Variants in PUM2 observed in about 807,000 individuals in gnomAD.
PUM2 encodes the protein pumilio RNA binding family member 2.
PUM2 carries 57 observed loss-of-function variants against 124.5 expected under a neutral mutation model. That is an observed-to-expected ratio of 0.46 (90% CI 0.37 to 0.57). The LOEUF (loss-of-function observed/expected upper bound fraction) is 0.57. PUM2 is among the 20% of genes least tolerant of loss of function. PUM2 has a pLI of 0.00. For missense variants in PUM2, 1,065 were observed against 1,290.6 expected (o/e 0.83, Z 2.68); for synonymous variants, 460 against 446.1 (o/e 1.03, Z -0.39).
At chr2:20,282,318 G>A (rs908515568) in intron 12 of PUM2, among the ~76,000 whole-genome samples, 3 of 152,160 alleles carry the variant, frequency 2.0e-5, no homozygotes, top group African/African-American at 4.8e-5. Context: ...GATTTGTTAA[G>A]TGTTATATAA....
chr2:20,300,815 C>T (rs1384431167), intron 7 of PUM2, among the ~76,000 whole-genome samples: 7 of 150,958 alleles, frequency 4.6e-5, no homozygotes, highest in Non-Finnish European at 1.0e-4. Flanking sequence ...AGCTACGCAT[C>T]TGCCTCACAG....
chr2:20,275,227 C>A (rs908824166), intron 13 of PUM2, among the ~76,000 whole-genome samples: 3 of 151,628 alleles, frequency 2.0e-5, no homozygotes, highest in Non-Finnish European at 4.4e-5. Flanking sequence ...AATTTTAGAA[C>A]CAAAAATAGA....
intron 13 of PUM2, among the ~76,000 whole-genome samples, chr2:20,275,583 G>C (rs779931453): frequency 3.9e-5 from 6 of 152,048 alleles, no homozygotes; most frequent in Non-Finnish European, 8.8e-5. Context: ...GGATCAGGCT[G>C]GTCATCTCAC....
At chr2:20,256,593 A>C (rs1453589888) in intron 16 of PUM2, among the ~76,000 whole-genome samples, 1 of 152,192 alleles carries the variant, frequency 6.6e-6, no homozygotes, top group Non-Finnish European at 1.5e-5. Context: ...CCACCAAAGG[A>C]ATTATTTTTA....
intron 15 of PUM2, 25 bp downstream of exon 15, chr2:20,260,312 T>C (rs936215858): frequency 5.7e-6 from 9 of 1,587,732 alleles, no homozygotes; most frequent in Non-Finnish European, 7.7e-6. Context: ...GATGGGCGGA[T>C]ATACAAATAT....
chr2:20,263,339 G>A lies in PUM2; in HGVS notation c.2079C>T (p.Ser693=), dbSNP rs781094471. The change falls in exon 14 of 21, where the codon TCC becomes TCT. Residue 693 remains serine (S), a synonymous_variant. Coordinates refer to ENST00000361078, the MANE Select transcript of PUM2 (RefSeq NM_015317.5). ...TATCAGACCTATTATACCGAAGCCG[G>A]GAAGGAGGAAAGAGCTGGCTGCTGG... is the stretch of plus-strand genomic sequence containing the variant. ...FSSSSQLFPP[S]RLRYNRSDIM... 6.2e-7 allele frequency: 1 copy of A among 1,614,178 alleles called. No individual in the cohort carries two copies. Among genetic ancestry groups the A allele is most frequent in the Non-Finnish European group, 8.5e-7 (1 of 1,180,028 alleles).
intron 2 of PUM2, among the ~76,000 whole-genome samples, chr2:20,321,429 A>G (rs1682341732): frequency 6.6e-6 from 1 of 152,222 alleles, no homozygotes; most frequent in Non-Finnish European, 1.5e-5. Flanking sequence ...TCGAACATTT[A>G]GAAGTTTTTA....
At chr2:20,347,936 A>G (rs1379867060) in intron 1 of PUM2, among the ~76,000 whole-genome samples, 1 of 152,220 alleles carries the variant, frequency 6.6e-6, no homozygotes, top group African/African-American at 2.4e-5. Flanking sequence ...GGGCTCTGCC[A>G]TATTTCATCA....
At chr2:20,336,811 G>A (rs575474340) in intron 1 of PUM2, among the ~76,000 whole-genome samples, 132 of 134,008 alleles carry the variant, frequency 9.9e-4, no homozygotes, top group African/African-American at 2.7e-3. Context: ...TGGTACAGAC[G>A]GGGTCTCACC....
In PUM2 at chr2:20,308,013, T is replaced by C; in HGVS notation, c.848A>G (p.Gln283Arg). 1 of 1,613,528 alleles carries C rather than the reference T, an allele frequency of 6.2e-7. No individual in the cohort carries two copies. The highest frequency in any genetic ancestry group is 8.5e-7 in the Non-Finnish European group (1 of 1,179,440). Residue 283 changes from glutamine to arginine, a missense_variant, in exon 7 of 21, where the codon CAA becomes CGA. Gln to Arg is a conservative substitution (Grantham distance 43, BLOSUM62 1). Coordinates refer to ENST00000361078, the MANE Select transcript of PUM2 (RefSeq NM_015317.5). ...VQQLTAAQQQ[Q>R]YALAAAQQPH... Reference sequence around the variant, plus strand: ...CTGCTGAGCTGCTGCTAATGCATATTGCTGCTGTTGAGCTGCAGTTAACTG... The same window carrying C: ...CTGCTGAGCTGCTGCTAATGCATATCGCTGCTGTTGAGCTGCAGTTAACTG...
chr2:20,299,478 T>C (rs548170266), intron 7 of PUM2, among the ~76,000 whole-genome samples: 1 of 152,134 alleles, frequency 6.6e-6, no homozygotes, highest in East Asian at 1.9e-4. Flanking sequence ...CGGCCTGGTC[T>C]TGAACACAGT....
At chr2:20,308,274 C>T in intron 6 of PUM2, 40 bp downstream of exon 6, 1 of 1,594,186 alleles carries the variant, frequency 6.3e-7, no homozygotes, top group Non-Finnish European at 8.6e-7. Context: ...AACCAGTATA[C>T]AGTTAAGAGG....
intron 17 of PUM2, 149 bp downstream of exon 17, chr2:20,255,884 G>T: frequency 1.3e-6 from 1 of 780,352 alleles, no homozygotes; most frequent in East Asian, 3.1e-5. Flanking sequence ...CTATGAAAGA[G>T]GAAGAAATTA....
upstream of PUM2, among the ~76,000 whole-genome samples, chr2:20,351,314 C>CT (rs1381044676): frequency 1.3e-5 from 2 of 152,220 alleles, no homozygotes; most frequent in Non-Finnish European, 2.9e-5. Context: ...TAATTCAGGC[C>CT]TTTAACTTTC....
At chr2:20,326,488 T>G in intron 2 of PUM2, 3 of 1,038,890 alleles carry the variant, frequency 2.9e-6, no homozygotes, top group Non-Finnish European at 4.0e-6. Flanking sequence ...ATCTTAGGTC[T>G]GTTCACTGTT....
chr2:20,293,915 T>G (rs1040487915), intron 9 of PUM2, among the ~76,000 whole-genome samples: 40 of 152,126 alleles, frequency 2.6e-4, no homozygotes, highest in African/African-American at 9.4e-4. Context: ...TAAACATCTT[T>G]CTTTTTCCAG....
chr2:20,345,354 C>T (rs531598278), intron 1 of PUM2, among the ~76,000 whole-genome samples: 1 of 152,242 alleles, frequency 6.6e-6, no homozygotes, highest in South Asian at 2.1e-4. Flanking sequence ...AAGTGATCGT[C>T]CCGCCTCAGT....
intron 15 of PUM2, 102 bp from the exon 16 acceptor site, chr2:20,258,473 T>A (rs1024195558): frequency 8.5e-7 from 1 of 1,178,016 alleles, no homozygotes; most frequent in Non-Finnish European, 1.2e-6. Flanking sequence ...TCAGTAACTA[T>A]GTAGGGCAGG....
intron 13 of PUM2, among the ~76,000 whole-genome samples, chr2:20,264,489 T>G (rs1667187800): frequency 1.4e-5 from 2 of 147,788 alleles, no homozygotes; most frequent in African/African-American, 5.0e-5. Context: ...ATAAAAAACA[T>G]TTTTAACTTA....
Sources: gnomAD v4.1 joint callset for allele counts (sites outside exome capture counted in the v4.1 genomes callset) on GRCh38, gnomAD v4.1.1 for gene constraint, MANE v1.5 for transcripts, NCBI Gene and HGNC (gene_info 2026-07-23, HGNC 2026-07-21) for gene names.